Variants in MCTP1 observed in about 807,000 individuals in gnomAD.
The protein encoded by MCTP1 is multiple C2 and transmembrane domain-containing protein 1.
MCTP1 carries 69 observed loss-of-function variants against 120.6 expected under a neutral mutation model. The observed-to-expected ratio is 0.57, with a 90% CI of 0.47 to 0.70. The LOEUF is 0.70. Ranked by LOEUF, MCTP1 falls within the 30% of genes least tolerant of loss-of-function variation. The probability of loss-of-function intolerance (pLI) is 0.00; values close to 1 mark genes in which losing one functional copy is unlikely to be tolerated. For synonymous variants in MCTP1, 529 were observed against 493.1 expected, an observed-to-expected ratio of 1.07 and a Z score of -0.96; for missense variants, 1,203 against 1,248.8, an observed-to-expected ratio of 0.96 and a Z score of 0.55.
At chr5:95,061,382 T>C (rs1749042629) in intron 1 of MCTP1, among the ~76,000 whole-genome samples, 1 of 144,226 alleles carries the variant, frequency 6.9e-6, no homozygotes, top group Non-Finnish European at 1.5e-5. Flanking sequence ...TGTACTTTCA[T>C]ATCAATTTTC....
intron 1 of MCTP1, among the ~76,000 whole-genome samples, chr5:95,247,144 ATTCCT>A (rs2152690706): frequency 6.6e-6 from 1 of 152,218 alleles, no homozygotes; most frequent in African/African-American, 2.4e-5. Context: ...CCCGGAATTT[ATTCCT>A]TTCTTCTAGA....
At chr5:95,034,149 C>T (rs1470454415) in intron 1 of MCTP1, among the ~76,000 whole-genome samples, 1 of 151,762 alleles carries the variant, frequency 6.6e-6, no homozygotes, top group East Asian at 1.9e-4. Context: ...CCATACTGCC[C>T]AAAGCAATCT....
At chr5:94,822,459 T>C (rs530018211) in intron 17 of MCTP1, among the ~76,000 whole-genome samples, 64 of 152,342 alleles carry the variant, frequency 4.2e-4, no homozygotes, top group Middle Eastern at 3.4e-3. Flanking sequence ...CAGTCTAACA[T>C]TGATGGGCAT....
At chr5:95,107,361 C>A (rs1757153046) in intron 1 of MCTP1, among the ~76,000 whole-genome samples, 1 of 152,072 alleles carries the variant, frequency 6.6e-6, no homozygotes, top group Admixed American at 6.6e-5. Flanking sequence ...AGTTGCATGG[C>A]AACACCCTTC....
intron 6 of MCTP1, 95 bp from the exon 7 acceptor site, chr5:94,924,116 ATCG>A: frequency 1.5e-6 from 1 of 684,400 alleles, no homozygotes; most frequent in Non-Finnish European, 2.3e-6. Context: ...CAAATAAAAA[ATCG>A]AAAATTATAT....
At chr5:95,259,582 C>A (rs577447296) in intron 1 of MCTP1, among the ~76,000 whole-genome samples, 1 of 152,288 alleles carries the variant, frequency 6.6e-6, no homozygotes, top group East Asian at 1.9e-4. Context: ...CCTTAATACA[C>A]TATAATTACA....
At chr5:95,037,818 A>C (rs1974959) in intron 1 of MCTP1, among the ~76,000 whole-genome samples, 151,799 of 152,276 alleles carry the variant, frequency 1, 75,664 homozygotes, top group Middle Eastern at 1. Flanking sequence ...TGCAGTGAGC[A>C]GAGTTCACGC....
At chr5:94,810,913 A>C (rs1456855066) in intron 17 of MCTP1, among the ~76,000 whole-genome samples, 1 of 152,202 alleles carries the variant, frequency 6.6e-6, no homozygotes, top group Non-Finnish European at 1.5e-5. Context: ...AGCCAAAGTC[A>C]GAAAGTGTGT....
intron 17 of MCTP1, among the ~76,000 whole-genome samples, chr5:94,855,673 A>G (rs1794595453): frequency 6.6e-6 from 1 of 151,752 alleles, no homozygotes; most frequent in African/African-American, 2.4e-5. Context: ...CCAGAAAGAC[A>G]TTATTTAAGA....
At chr5:95,170,424 G>T (rs187814986) in intron 1 of MCTP1, among the ~76,000 whole-genome samples, 6 of 152,268 alleles carry the variant, frequency 3.9e-5, no homozygotes, top group Non-Finnish European at 7.4e-5. Flanking sequence ...ATGTCTATTA[G>T]GTCTGCTTGG....
At chr5:95,253,421 A>C (rs1236577035) in intron 1 of MCTP1, among the ~76,000 whole-genome samples, 1 of 152,134 alleles carries the variant, frequency 6.6e-6, no homozygotes, top group Non-Finnish European at 1.5e-5. Context: ...AAGGTATATA[A>C]CACATGACAT....
intron 1 of MCTP1, among the ~76,000 whole-genome samples, chr5:95,067,262 A>G (rs1750913059): frequency 2.6e-5 from 4 of 152,178 alleles, no homozygotes; most frequent in Admixed American, 2.6e-4. Flanking sequence ...ATATATTTCA[A>G]AATATCGAAA....
intron 17 of MCTP1, among the ~76,000 whole-genome samples, chr5:94,805,060 A>AT (rs1312192634): frequency 2.0e-5 from 3 of 152,236 alleles, no homozygotes; most frequent in African/African-American, 7.2e-5. Context: ...AATGTTAACA[A>AT]TTTTTTAACA....
chr5:94,825,452 G>C (rs1233593110), intron 17 of MCTP1, among the ~76,000 whole-genome samples: 2 of 152,000 alleles, frequency 1.3e-5, no homozygotes, highest in African/African-American at 4.8e-5. Flanking sequence ...GGAGGGTTTT[G>C]CTTCCAATTA....
chr5:94,893,718 A>T (rs1803210587), intron 11 of MCTP1, among the ~76,000 whole-genome samples: 1 of 152,222 alleles, frequency 6.6e-6, no homozygotes, highest in Non-Finnish European at 1.5e-5. Flanking sequence ...TATTAAATTC[A>T]GTTATTGAAA....
intron 2 of MCTP1, among the ~76,000 whole-genome samples, chr5:94,967,993 A>G (rs902951320): frequency 2.6e-5 from 4 of 152,166 alleles, no homozygotes; most frequent in Non-Finnish European, 5.9e-5. Context: ...AATCATTTTC[A>G]AATTCTTAAC....
chr5:94,946,837 C>T (rs1449415291), intron 3 of MCTP1, among the ~76,000 whole-genome samples: 4 of 152,164 alleles, frequency 2.6e-5, no homozygotes, highest in East Asian at 1.9e-4. Flanking sequence ...AATCCATGTT[C>T]GGCATCCTTC....
chr5:94,838,642 A>G (rs1209246947), intron 17 of MCTP1, among the ~76,000 whole-genome samples: 1 of 152,196 alleles, frequency 6.6e-6, no homozygotes, highest in Non-Finnish European at 1.5e-5. Context: ...GAAATTCTCT[A>G]TCATATTAGT....
chr5:94,983,145 T>C (rs1198589160), intron 2 of MCTP1, among the ~76,000 whole-genome samples: 1 of 151,940 alleles, frequency 6.6e-6, no homozygotes, highest in Non-Finnish European at 1.5e-5. Flanking sequence ...CACGAGAAAT[T>C]GAATTCTGCC....
Sources: allele counts gnomAD v4.1 joint callset (sites outside exome capture counted in the v4.1 genomes callset), GRCh38; gene constraint gnomAD v4.1.1; transcripts MANE v1.5; gene names NCBI Gene and HGNC (gene_info 2026-07-23, HGNC 2026-07-21).